The following GCNT2 variants were observed in gnomAD, a reference collection of about 807,000 sequenced individuals.
GCNT2 encodes the protein glucosaminyl (N-acetyl) transferase 2 (I blood group).
GCNT2 carries 34 observed loss-of-function variants against 34.2 expected under a neutral mutation model. That is an observed-to-expected ratio of 1.00 (90% confidence interval 0.76 to 1.32). The LOEUF is 1.32. Ranked by LOEUF, GCNT2 falls within the 40% of genes most tolerant of loss-of-function variation. The probability of loss-of-function intolerance (pLI) is 0.00; values close to 1 mark genes in which losing one functional copy is unlikely to be tolerated. For synonymous variants in GCNT2, 212 were observed against 188.0 expected (o/e 1.13, Z -1.04); for missense variants, 584 against 489.4 (o/e 1.19, Z -1.82).
At chr6:10,589,046 G>GGT (rs766765754) in intron 3 of GCNT2, among the ~76,000 whole-genome samples, 3 of 140,792 alleles carry the variant, frequency 2.1e-5, no homozygotes, top group Non-Finnish European at 3.1e-5. Context: ...GTATGTGTAT[G>GGT]GTGTGTGTGT....
rs1491129469 is a variant in GCNT2 at position 10,534,139 on chromosome 6, C to CT, written c.925+4304dup. Among the ~76,000 whole-genome samples, 42 of 123,228 alleles carry CT rather than the reference C, an allele frequency of 3.4e-4. 11 individuals are homozygous for CT. Among genetic ancestry groups the CT allele is most frequent in the African/African-American group, 6.4e-4 (22 of 34,264 alleles). The allele number at this position is 123,228 out of a possible 152,430, so 80.8% of individuals were successfully genotyped here. A position where few individuals can be genotyped will look rare whatever the true frequency, so the allele number is the denominator to read the frequency against. On this transcript the variant is annotated intron_variant, in intron 3 of 4. Coordinates refer to ENST00000495262, the MANE Select transcript of GCNT2 (RefSeq NM_145649.5). ...CTGGTATCTGCCAGATTCCATGCTGCTCTTTTTTTTTTTTTTTTTTAAGAT... is the reference window on the plus strand; with the variant it reads ...CTGGTATCTGCCAGATTCCATGCTGCTTCTTTTTTTTTTTTTTTTTTAAGAT...
At chr6:10,610,307 G>C (rs1252852479) in intron 3 of GCNT2, among the ~76,000 whole-genome samples, 11 of 152,282 alleles carry the variant, frequency 7.2e-5, no homozygotes. Flanking sequence ...AGTATGGCAG[G>C]GTTTAGTGGA....
At chr6:10,555,722 C>G in intron 3 of GCNT2, 1 of 985,346 alleles carries the variant, frequency 1.0e-6, no homozygotes, top group Non-Finnish European at 1.2e-6. Flanking sequence ...CTCCAGTAAG[C>G]TCTTGTTTTG....
chr6:10,523,657 T>G (rs921725353), intron 1 of GCNT2, among the ~76,000 whole-genome samples: 6 of 151,950 alleles, frequency 3.9e-5, no homozygotes, highest in African/African-American at 1.5e-4. Flanking sequence ...GCCTGGAGAT[T>G]GCTGTTGTCT....
In GCNT2 at chr6:10,529,258, C is replaced by T. The variant is rs761083612; in HGVS notation, c.347C>T (p.Ala116Val). 2.0e-5 allele frequency: 32 copies of T among 1,614,100 alleles called. No individual in the cohort carries two copies. Among genetic ancestry groups the T allele is most frequent in the East Asian group, 1.3e-4 (6 of 44,884 alleles). ...GGCACTTTTGAGAGGCTCTTCAGGG[C>T]GATTTATATGCCCCAAAATGTCTAC... ...DFGTFERLFR[A>V]IYMPQNVYCV... The change falls in exon 3 of 5, where the codon GCG becomes GTG. Residue 116 changes from alanine to valine, a missense_variant. Physicochemically the swap from Ala to Val is moderately conservative, Grantham distance 64. Coordinates refer to ENST00000495262, the MANE Select transcript of GCNT2 (RefSeq NM_145649.5).
chr6:10,620,064 CT>C (rs1335712881), intron 3 of GCNT2, among the ~76,000 whole-genome samples: 1 of 152,224 alleles, frequency 6.6e-6, no homozygotes, highest in African/African-American at 2.4e-5. Context: ...TTAAGGTCAG[CT>C]GATCAGCAAC....
chr6:10,537,716 AAAAAAAAAAAC>A (rs1410729882), intron 3 of GCNT2, among the ~76,000 whole-genome samples: 65 of 146,844 alleles, frequency 4.4e-4, no homozygotes, highest in African/African-American at 1.6e-3. Flanking sequence ...AAAAAAAAAA[AAAAAAAAAAAC>A]AAAACAAAGA....
At chr6:10,616,718 T>C (rs1350554165) in intron 3 of GCNT2, among the ~76,000 whole-genome samples, 1 of 152,196 alleles carries the variant, frequency 6.6e-6, no homozygotes, top group Non-Finnish European at 1.5e-5. Flanking sequence ...GGGTGCTGAT[T>C]GGTGTGTTTA....
In GCNT2 at chr6:10,600,523, C is replaced by G. The variant is rs542197677; in HGVS notation, c.926-20828C>G. On this transcript the variant is annotated intron_variant, in intron 3 of 4. Coordinates refer to ENST00000495262, the MANE Select transcript of GCNT2 (RefSeq NM_145649.5). ...AACAATTCCGCCAGTTCCCAAAATT[C>G]CCTCATGCTGCCCCTGGGAGCCAAC... Among the ~76,000 whole-genome samples the G allele has an allele frequency of 3.3e-5, 5 of 152,238 alleles. No homozygotes were observed. In the East Asian group the frequency reaches 9.7e-4, roughly 29 times the overall value.
At chr6:10,540,383 T>G (rs907990832) in intron 3 of GCNT2, among the ~76,000 whole-genome samples, 6 of 113,402 alleles carry the variant, frequency 5.3e-5, no homozygotes, top group African/African-American at 3.6e-4. Flanking sequence ...CTGCTCATTC[T>G]CCTCTGTTCA....
intron 3 of GCNT2, among the ~76,000 whole-genome samples, chr6:10,545,140 A>G (rs866466953): frequency 6.6e-6 from 1 of 151,652 alleles, no homozygotes; most frequent in African/African-American, 2.4e-5. Flanking sequence ...CCTCCTTTCT[A>G]ATAAAACTGT....
At chr6:10,553,233 G>A (rs528006382) in intron 3 of GCNT2, among the ~76,000 whole-genome samples, 1 of 152,294 alleles carries the variant, frequency 6.6e-6, no homozygotes, top group African/African-American at 2.4e-5. Context: ...CCTCCAGCTG[G>A]CACGCCCTGC....
chr6:10,597,075 G>A (rs1317597319), intron 3 of GCNT2, among the ~76,000 whole-genome samples: 1 of 151,352 alleles, frequency 6.6e-6, no homozygotes, highest in Non-Finnish European at 1.5e-5. Flanking sequence ...ACCAAACTGA[G>A]CCTCAGTTAA....
chr6:10,594,650 A>G (rs1485500124), intron 3 of GCNT2, among the ~76,000 whole-genome samples: 1 of 152,198 alleles, frequency 6.6e-6, no homozygotes, highest in Non-Finnish European at 1.5e-5. Flanking sequence ...GTGAACATTT[A>G]TTAAGAAAAA....
intron 3 of GCNT2, among the ~76,000 whole-genome samples, chr6:10,599,222 G>A (rs1007602760): frequency 6.6e-6 from 1 of 152,148 alleles, no homozygotes; most frequent in East Asian, 1.9e-4. Context: ...TTGGTGAGTG[G>A]GATCGATTGT....
chr6:10,604,405 T>C (rs1032602797), intron 3 of GCNT2, among the ~76,000 whole-genome samples: 2 of 152,170 alleles, frequency 1.3e-5, no homozygotes, highest in Non-Finnish European at 2.9e-5. Context: ...ACTAGCTAAT[T>C]TGAGGGAGTT....
intron 3 of GCNT2, among the ~76,000 whole-genome samples, chr6:10,578,405 AAAG>A (rs1208634056): frequency 2.0e-5 from 3 of 151,188 alleles, no homozygotes; most frequent in African/African-American, 7.3e-5. Context: ...AAAAAAAAAA[AAAG>A]AGTTGATGAA....
chr6:10,531,079 A>AT (rs1761466382), intron 3 of GCNT2, among the ~76,000 whole-genome samples: 1 of 151,390 alleles, frequency 6.6e-6, no homozygotes, highest in Non-Finnish European at 1.5e-5. Context: ...TAGTACCTCC[A>AT]TTTTATAGAT....
intron 3 of GCNT2, among the ~76,000 whole-genome samples, chr6:10,595,143 TACATA>T (rs1402504714): frequency 1.3e-5 from 2 of 152,214 alleles, no homozygotes; most frequent in African/African-American, 4.8e-5. Flanking sequence ...ACTTACCCCT[TACATA>T]ACACTATGAA....
Sources: allele counts gnomAD v4.1 joint callset (sites outside exome capture counted in the v4.1 genomes callset), GRCh38; gene constraint gnomAD v4.1.1; transcripts MANE v1.5; gene names NCBI Gene and HGNC (gene_info 2026-07-23, HGNC 2026-07-21).